PCDHA4: variants seen among roughly 807,000 people sequenced by gnomAD.
The protein encoded by PCDHA4 is protocadherin alpha-4.
PCDHA4 carries 49 observed loss-of-function variants against 61.4 expected under a neutral mutation model. The ratio of observed to expected loss-of-function variants is 0.80; its 90% CI spans 0.63 to 1.01. PCDHA4 has a LOEUF of 1.01. Among genes scored for constraint, PCDHA4 ranks in the 50% least tolerant of loss-of-function variants. The pLI is 0.00. For synonymous variants in PCDHA4, 590 were observed against 550.3 expected (o/e 1.07, Z -1.01); for missense variants, 1,254 against 1,235.8 (o/e 1.01, Z -0.22).
In PCDHA4 at chr5:140,808,715, G is replaced by T; in HGVS notation, c.1528G>T (p.Val510Leu). 6.2e-7 allele frequency: 1 copy of T among 1,612,234 alleles called. No homozygotes were observed. The highest frequency in any genetic ancestry group is 8.5e-7 in the Non-Finnish European group (1 of 1,179,814). Residue 510 changes from valine (V) to leucine (L), a missense_variant, in exon 1 of 4, where the codon GTG becomes TTG. Coordinates refer to ENST00000530339, the MANE Select transcript of PCDHA4 (RefSeq NM_018907.4). ...GERALSSYVSVHAESGKVYAL... is the reference protein window; with the variant it reads ...GERALSSYVSLHAESGKVYAL... ...GCGCGCGCTGTCGAGCTACGTTTCGGTGCATGCGGAGAGCGGCAAGGTGTA... is the reference window on the plus strand; with the variant it reads ...GCGCGCGCTGTCGAGCTACGTTTCGTTGCATGCGGAGAGCGGCAAGGTGTA...
At chr5:140,935,004 T>C (rs574626430) in intron 1 of PCDHA4, among the ~76,000 whole-genome samples, 1 of 152,340 alleles carries the variant, frequency 6.6e-6, no homozygotes, top group African/African-American at 2.4e-5. Flanking sequence ...ATCCTTTTCA[T>C]GTGAGTCTTA....
chr5:141,010,152 T>C lies in PCDHA4; in HGVS notation c.*215T>C. The C allele has an allele frequency of 1.3e-6, 2 of 1,575,858 alleles. No individual in the cohort carries two copies. The highest frequency in any genetic ancestry group is 1.7e-6 in the Non-Finnish European group (2 of 1,159,570). On this transcript the variant is annotated 3_prime_UTR_variant, in exon 4 of 4. Coordinates refer to ENST00000530339, the MANE Select transcript of PCDHA4 (RefSeq NM_018907.4). ...TGGTGTTAACTCTTTCTCTCCACTCTGGCTTGTTTTCAGAACCTAAAAAGC... is the reference window on the plus strand; with the variant it reads ...TGGTGTTAACTCTTTCTCTCCACTCCGGCTTGTTTTCAGAACCTAAAAAGC...
chr5:140,994,156 C>T (rs926993777), intron 3 of PCDHA4, among the ~76,000 whole-genome samples: 25 of 152,124 alleles, frequency 1.6e-4, no homozygotes, highest in African/African-American at 4.1e-4. Context: ...GTAGGGTCAA[C>T]GAAGGGGAAG....
rs782049907 is a variant in PCDHA4 at position 140,809,089 on chromosome 5, G to T, written c.1902G>T (p.Thr634=). The change falls in exon 1 of 4, where the codon ACG becomes ACT. Residue 634 remains threonine, a synonymous_variant. Coordinates refer to ENST00000530339, the MANE Select transcript of PCDHA4 (RefSeq NM_018907.4). ...TGTACACTGGCGAGATCAGCACAAC[G>T]CGTGCCCTGGACGAAACGGACGCTC... ...VGLYTGEIST[T]RALDETDAPR... 4 of 1,613,934 alleles carry T rather than the reference G, an allele frequency of 2.5e-6. No homozygotes were observed. Among genetic ancestry groups the T allele is most frequent in the Non-Finnish European group, 2.5e-6 (3 of 1,179,920 alleles).
At chr5:140,854,919 A>G (rs1554147504) in intron 1 of PCDHA4, among the ~76,000 whole-genome samples, 1 of 150,004 alleles carries the variant, frequency 6.7e-6, no homozygotes, top group African/African-American at 2.4e-5. Context: ...GGTTGAAAGC[A>G]TTTGCCTCTG....
intron 1 of PCDHA4, chr5:140,875,319 A>T: frequency 7.0e-7 from 1 of 1,428,968 alleles, no homozygotes; most frequent in South Asian, 1.6e-5. Context: ...CATTCCAATC[A>T]TTCACGGAAT....
intron 1 of PCDHA4, chr5:140,869,097 G>T (rs1344358126): frequency 1.3e-6 from 2 of 1,595,318 alleles, no homozygotes; most frequent in Non-Finnish European, 1.7e-6. Flanking sequence ...AGCCAATTTC[G>T]TATGCGATGT....
intron 1 of PCDHA4, chr5:140,810,068 A>G (rs1764594769): frequency 6.5e-6 from 1 of 153,826 alleles, no homozygotes; most frequent in African/African-American, 2.4e-5. Context: ...CTGTTTTGGG[A>G]ACGTTATCTA....
At chr5:140,911,449 C>G (rs1554194734) in intron 1 of PCDHA4, among the ~76,000 whole-genome samples, 1 of 152,116 alleles carries the variant, frequency 6.6e-6, no homozygotes, top group Non-Finnish European at 1.5e-5. Context: ...AATTTCAGCT[C>G]TTTCTCTACA....
intron 1 of PCDHA4, chr5:140,851,883 G>A (rs2042187282): frequency 3.1e-6 from 3 of 976,924 alleles, no homozygotes; most frequent in African/African-American, 1.8e-5. Flanking sequence ...CAGAAATCTG[G>A]ATATGAGATT....
chr5:140,876,454 C>A, intron 1 of PCDHA4: 2 of 1,613,996 alleles, frequency 1.2e-6, no homozygotes, highest in Non-Finnish European at 1.7e-6. Context: ...TAAAGGGATT[C>A]CTTCCATGGC....
At position 141,012,226 on chromosome 5, in the gene PCDHA4, A is replaced by G. The variant is rs1021307000; in HGVS notation, c.*2289A>G. Reference sequence around the variant, plus strand: ...TTTTACATTTGCGAAGTGCTTTCCAATCCATGTTAGTTACTAGTTATTACA... The same window carrying G: ...TTTTACATTTGCGAAGTGCTTTCCAGTCCATGTTAGTTACTAGTTATTACA... On this transcript the variant is annotated 3_prime_UTR_variant, in exon 4 of 4. Transcript: ENST00000530339. The G allele has an allele frequency of 2.6e-5, 4 of 153,758 alleles. No individual in the cohort carries two copies. Among genetic ancestry groups the G allele is most frequent in the African/African-American group, 9.7e-5 (4 of 41,442 alleles). 9.5% of individuals were successfully genotyped at this position (153,758 alleles called of 1,614,324 possible). A position where few individuals can be genotyped will look rare whatever the true frequency, so the allele number is the denominator to read the frequency against.
chr5:140,876,662 T>G (rs782771484), intron 1 of PCDHA4: 23 of 1,614,114 alleles, frequency 1.4e-5, no homozygotes, highest in Non-Finnish European at 1.9e-5. Context: ...CCCTTCAAGC[T>G]GGTGTCCACC....
chr5:140,866,006 A>AT (rs879985909), intron 1 of PCDHA4: 11 of 151,858 alleles, frequency 7.2e-5, no homozygotes, highest in East Asian at 1.9e-4. Context: ...ATGTTAAGTG[A>AT]TTTTTTTCTT....
At chr5:140,847,743 C>T (rs2150239198) in intron 1 of PCDHA4, 1 of 149,792 alleles carries the variant, frequency 6.7e-6, no homozygotes, top group East Asian at 1.9e-4. Flanking sequence ...TATTTTCTCC[C>T]CACGCAACAC....
rs76093196 is a variant in PCDHA4, at chr5:140,971,173, C to G, written c.2386-7776C>G. Reference sequence around the variant, plus strand: ...AGGCCAGGCTCAGCTTTGCCACCAGCTGTAAGCCGGAAGCTCAGAGGAAAG... The same window carrying G: ...AGGCCAGGCTCAGCTTTGCCACCAGGTGTAAGCCGGAAGCTCAGAGGAAAG... On this transcript the variant is annotated intron_variant, in intron 1 of 3. Transcript: ENST00000530339. Among the ~76,000 whole-genome samples the G allele has an allele frequency of 3.8e-3, 583 of 152,260 alleles. 1 individual carries two copies. Among genetic ancestry groups the G allele is most frequent in the Non-Finnish European group, 7.2e-3 (492 of 68,018 alleles).
chr5:140,807,827 G>A lies in PCDHA4; in HGVS notation c.640G>A (p.Ala214Thr), dbSNP rs782460121. 8.7e-6 allele frequency: 14 copies of A among 1,614,046 alleles called. No homozygotes were observed. Among genetic ancestry groups the A allele is most frequent in the Non-Finnish European group, 1.1e-5 (13 of 1,180,040 alleles). ...TCCGGAGATTTTTTTAGTGCTCACA[G>A]CCACTGATGGAGGCAAACCCGAGTT... Reference protein sequence around the residue: ...EAPEIFLVLTATDGGKPELTG... With the variant: ...EAPEIFLVLTTTDGGKPELTG... The change falls in exon 1 of 4, where the codon GCC becomes ACC. Residue 214 changes from alanine (A) to threonine (T), a missense_variant. By Grantham distance (58) the Ala-to-Thr change is moderately conservative. Transcript: ENST00000530339.
At chr5:140,836,835 C>T (rs1774769816) in intron 1 of PCDHA4, 2 of 878,888 alleles carry the variant, frequency 2.3e-6, no homozygotes, top group Non-Finnish European at 1.7e-6. Flanking sequence ...TAGTTGATAG[C>T]TTTATGTATA....
intron 1 of PCDHA4, among the ~76,000 whole-genome samples, chr5:140,820,410 G>A (rs1312533242): frequency 6.6e-6 from 1 of 151,870 alleles, no homozygotes; most frequent in African/African-American, 2.4e-5. Context: ...TATTTTAAAT[G>A]TAAAAGTATC....
Sources: gnomAD v4.1 joint callset for allele counts (sites outside exome capture counted in the v4.1 genomes callset) on GRCh38, gnomAD v4.1.1 for gene constraint, MANE v1.5 for transcripts, NCBI Gene and HGNC (gene_info 2026-07-23, HGNC 2026-07-21) for gene names.